ASIP: variants seen among roughly 807,000 people sequenced by gnomAD.
The protein encoded by ASIP is agouti signaling protein, also known as agouti-signaling protein.
Under a neutral mutation model 10.3 loss-of-function variants are expected in ASIP, and 11 were observed. The ratio of observed to expected loss-of-function variants is 1.07; its 90% CI spans 0.68 to 1.78. The LOEUF (loss-of-function observed/expected upper bound fraction) is 1.78. ASIP is among the 40% of genes most tolerant of loss of function. The pLI, the probability that ASIP is intolerant of heterozygous loss-of-function variation, is 0.00. For synonymous variants in ASIP, 70 were observed against 70.8 expected, an observed-to-expected ratio of 0.99 and a Z score of 0.06; for missense variants, 180 against 169.2, an observed-to-expected ratio of 1.06 and a Z score of -0.35.
At chr20:34,234,663 G>C (rs375255401) in intron 1 of ASIP, among the ~76,000 whole-genome samples, 1 of 151,992 alleles carries the variant, frequency 6.6e-6, no homozygotes, top group Non-Finnish European at 1.5e-5. Context: ...TTCGCCGGGC[G>C]TGGTGGCAGG....
chr20:34,221,529 G>A (rs541719694), intron 1 of ASIP, among the ~76,000 whole-genome samples: 45 of 152,272 alleles, frequency 3.0e-4, no homozygotes, highest in South Asian at 8.3e-4. Flanking sequence ...AGCAGGATAC[G>A]TATGTGGGCA....
At chr20:34,204,432 T>C (rs2034921706) in intron 1 of ASIP, among the ~76,000 whole-genome samples, 2 of 152,152 alleles carry the variant, frequency 1.3e-5, no homozygotes, top group Non-Finnish European at 2.9e-5. Flanking sequence ...TTGGTTAGGC[T>C]GATCTTGAAC....
At chr20:34,216,025 G>A (rs80021255) in intron 1 of ASIP, 11,946 of 662,994 alleles carry the variant, frequency 0.018, 158 homozygotes, top group Non-Finnish European at 0.025. Flanking sequence ...CAGCGGAACG[G>A]AGCCGAGCGG....
chr20:34,260,395 C>T lies in ASIP; in HGVS notation c.21C>T (p.Leu7=), dbSNP rs1210384007. 1 of 1,613,916 alleles carries T rather than the reference C, an allele frequency of 6.2e-7. No homozygotes were observed. ...CTGGGATGGATGTCACCCGCTTACT[C>T]CTGGCCACCCTGCTGGTCTTCCTCT... MDVTRL[L]LATLLVFLCF... Residue 7 remains leucine (L), a synonymous_variant, in exon 2 of 4, where the codon CTC becomes CTT. Transcript: ENST00000374954.
chr20:34,245,515 G>A (rs1449975152), intron 1 of ASIP, among the ~76,000 whole-genome samples: 1 of 151,240 alleles, frequency 6.6e-6, no homozygotes, highest in African/African-American at 2.4e-5. Flanking sequence ...AGCCTCCTGA[G>A]TAGCTGGGAC....
At chr20:34,208,758 G>A (rs552972399) in intron 1 of ASIP, among the ~76,000 whole-genome samples, 1 of 152,240 alleles carries the variant, frequency 6.6e-6, no homozygotes, top group East Asian at 1.9e-4. Flanking sequence ...AACATGAGAT[G>A]GCTTTCCATT....
chr20:34,245,767 A>T (rs975816253), intron 1 of ASIP, among the ~76,000 whole-genome samples: 10 of 151,988 alleles, frequency 6.6e-5, no homozygotes, highest in Non-Finnish European at 1.3e-4. Flanking sequence ...GACTTTGGCA[A>T]TTAAAAAAAC....
chr20:34,206,217 G>A (rs2034935679), intron 1 of ASIP, among the ~76,000 whole-genome samples: 1 of 152,082 alleles, frequency 6.6e-6, no homozygotes, highest in Admixed American at 6.6e-5. Context: ...GACTGGTCTT[G>A]AACTCCTGGC....
intron 1 of ASIP, among the ~76,000 whole-genome samples, chr20:34,248,107 G>A (rs2035411412): frequency 6.6e-6 from 1 of 152,142 alleles, no homozygotes; most frequent in Admixed American, 6.5e-5. Flanking sequence ...TCAGGAGGCT[G>A]AGGCAGAAGA....
upstream of ASIP, among the ~76,000 whole-genome samples, chr20:34,193,695 T>C (rs1030703762): frequency 3.3e-5 from 5 of 152,252 alleles, no homozygotes; most frequent in African/African-American, 1.2e-4. Context: ...TAAGTTCATT[T>C]TAATGTACAG....
Position 34,216,520 on chromosome 20 carries a change from A to G in ASIP, c.-11+21760A>G, listed in dbSNP as rs2035010137. 2.6e-5 allele frequency among the ~76,000 whole-genome samples: 4 copies of G among 152,314 alleles called. No individual in the cohort carries two copies. The South Asian group carries it at 8.3e-4, about 32-fold the overall frequency. On this transcript the variant is annotated intron_variant, in intron 1 of 3. Coordinates refer to the ASIP transcript ENST00000568305. ...TACCTATGAAATTTCCGTTTACTCC[A>G]TAGTCACAAAGATATACTTCTAGAA... is the stretch of plus-strand genomic sequence containing the variant.
At chr20:34,240,753 T>A (rs1432149290), upstream of ASIP, among the ~76,000 whole-genome samples, 1 of 152,164 alleles carries the variant, frequency 6.6e-6, no homozygotes, top group Non-Finnish European at 1.5e-5. Context: ...TCTCTTGGGA[T>A]CCATTCTGAA....
chr20:34,207,911 T>A (rs1345569525), intron 1 of ASIP, among the ~76,000 whole-genome samples: 1 of 152,042 alleles, frequency 6.6e-6, no homozygotes, highest in Non-Finnish European at 1.5e-5. Context: ...TGCCTCAGCC[T>A]CCTGAGTAGC....
chr20:34,213,751 C>T, intron 1 of ASIP: 1 of 1,505,712 alleles, frequency 6.6e-7, no homozygotes, highest in East Asian at 2.3e-5. Context: ...AAGGAAAGTA[C>T]AGACTCCACT....
chr20:34,249,684 A>AGTGT (rs2035441933), intron 1 of ASIP, among the ~76,000 whole-genome samples: 3 of 152,028 alleles, frequency 2.0e-5, no homozygotes, highest in Non-Finnish European at 4.4e-5. Flanking sequence ...CTCAACTCTA[A>AGTGT]CACTTCCCCC....
At chr20:34,187,529 G>A in the ASIP span, among the ~76,000 whole-genome samples, 11 of 152,132 alleles carry the variant, frequency 7.2e-5, no homozygotes, top group African/African-American at 1.9e-4. Context: ...ATCTACTGAC[G>A]GTGTTTTCGT....
chr20:34,226,595 C>A (rs1296068589), intron 1 of ASIP, among the ~76,000 whole-genome samples: 1 of 152,080 alleles, frequency 6.6e-6, no homozygotes, highest in East Asian at 1.9e-4. Context: ...CTCAAGTGAT[C>A]CACCCGCCTC....
rs2122618138 is a variant in ASIP at position 34,246,114 on chromosome 20, CTTCT to C, written c.-11+4628_-11+4631del. On this transcript the variant is annotated intron_variant, in intron 1 of 3. Transcript: ENST00000374954. Reference sequence around the variant, plus strand: ...GAATTTTTGAGCAAAAATCTTTGTGCTTCTTTAAGATCAATTTCAAAAGTTGCAA... The same window carrying C: ...GAATTTTTGAGCAAAAATCTTTGTGCTTAAGATCAATTTCAAAAGTTGCAA... 1.2e-5 allele frequency: 11 copies of C among 900,292 alleles called. No individual in the cohort carries two copies. In the South Asian group the frequency reaches 1.4e-4, roughly 12 times the overall value. The allele number at this position is 900,292 out of a possible 1,614,324, so 55.8% of individuals were successfully genotyped here.
intron 1 of ASIP, among the ~76,000 whole-genome samples, chr20:34,212,677 T>C (rs552959656): frequency 1.3e-5 from 2 of 152,200 alleles, no homozygotes; most frequent in African/African-American, 2.4e-5. Flanking sequence ...TTTTATGACA[T>C]TGACATTTTT....
Sources: gnomAD v4.1 joint callset for allele counts (sites outside exome capture counted in the v4.1 genomes callset) on GRCh38, gnomAD v4.1.1 for gene constraint, MANE v1.5 for transcripts, NCBI Gene and HGNC (gene_info 2026-07-23, HGNC 2026-07-21) for gene names.